Variants in DDX55 observed in about 807,000 individuals in gnomAD.
DDX55 encodes the protein ATP-dependent RNA helicase DDX55.
A neutral mutation model predicts 69.2 loss-of-function variants in DDX55; 56 were observed. The ratio of observed to expected loss-of-function variants is 0.81; its 90% CI spans 0.65 to 1.01. The LOEUF is 1.01. Ranked by LOEUF, DDX55 falls within the 50% of genes least tolerant of loss-of-function variation. The pLI, the probability that DDX55 is intolerant of heterozygous loss-of-function variation, is 0.00. For missense variants in DDX55, 720 were observed against 745.1 expected (o/e 0.97, Z 0.39); for synonymous variants, 268 against 273.1 (o/e 0.98, Z 0.18).
At chr12:123,607,846 A>G in intron 5 of DDX55, 184 bp downstream of exon 5, 1 of 720,300 alleles carries the variant, frequency 1.4e-6, no homozygotes, top group South Asian at 1.8e-5. Flanking sequence ...GGCCCTGATG[A>G]GAACTTCACA....
intron 11 of DDX55, 39 bp downstream of exon 11, chr12:123,617,911 C>T (rs372716955): frequency 3.5e-5 from 54 of 1,560,604 alleles, no homozygotes; most frequent in African/African-American, 8.2e-5. Context: ...TGCCTAGTGA[C>T]GGGGTAGCTG....
Position 123,620,085 on chromosome 12 carries a change from A to G in DDX55, c.1748A>G (p.Lys583Arg). The stretch of plus-strand genomic sequence containing the variant: ...GAGAAGGGCTTGTTGACAACTGGCA[A>G]AAGAACAATCAAGACAGTGGATTTA... ...EFEKGLLTTG[K>R]RTIKTVDLGI... Residue 583 changes from lysine to arginine, a missense_variant, in exon 14 of 14, where the codon AAA (lysine) becomes AGA (arginine). Transcript: ENST00000238146. 6.2e-7 allele frequency: 1 copy of G among 1,614,204 alleles called. No individual in the cohort carries two copies. The highest frequency in any genetic ancestry group is 8.5e-7 in the Non-Finnish European group (1 of 1,180,038).
chr12:123,620,629 A>ATATATAG lies in DDX55; in HGVS notation c.*489_*490insTATATAG, dbSNP rs1566211855. 1 of 60,830 alleles carries ATATATAG rather than the reference A, an allele frequency of 1.6e-5. No individual in the cohort carries two copies. Among genetic ancestry groups the ATATATAG allele is most frequent in the Non-Finnish European group, 3.4e-5 (1 of 29,206 alleles). The allele number at this position is 60,830 out of a possible 1,614,324, so 3.8% of individuals were successfully genotyped here. ...ATATATATATATATATATATATATA[A>ATATATAG]GCTCTTTTTTCTGAGGCTATTTTAT... is the stretch of plus-strand genomic sequence containing the variant. On this transcript the variant is annotated 3_prime_UTR_variant, in exon 14 of 14. Coordinates refer to ENST00000238146, the MANE Select transcript of DDX55 (RefSeq NM_020936.3).
rs201058160 is a variant in DDX55, at chr12:123,616,453, T to C, written c.957-58T>C. 1.3e-5 allele frequency: 20 copies of C among 1,496,756 alleles called. No homozygotes were observed. The East Asian group carries it at 4.5e-4, about 34-fold the overall frequency. The allele number at this position is 1,496,756 out of a possible 1,614,324, so 92.7% of individuals were successfully genotyped here. ...ACTGTCATCGAGATCAGTAGGCTGT[T>C]TGATGGTGATGAAGATGGTGGCCTC... On this transcript the variant is annotated intron_variant, in intron 9 of 13. Transcript: ENST00000238146.
chr12:123,618,015 GTTTTTTTTTT>G (rs568589434), intron 11 of DDX55, 143 bp downstream of exon 11: 1 of 416,250 alleles, frequency 2.4e-6, no homozygotes, highest in Admixed American at 4.0e-5. Flanking sequence ...CCCTGGTGGG[GTTTTTTTTTT>G]TTTTTTTTGA....
chr12:123,619,980 A>G lies in DDX55; in HGVS notation c.1643A>G (p.Asp548Gly), dbSNP rs2135755151. The stretch of plus-strand genomic sequence containing the variant: ...TGCACTTAGGGTTCTGATATTGAAG[A>G]TGAGGACATGGAAGAACTTCTTAAT... ...RKREEGSDIE[D>G]EDMEELLNDT... is the part of the protein sequence containing the mutation. Residue 548 changes from aspartate to glycine, a missense_variant, in exon 14 of 14, where the codon GAT becomes GGT. Physicochemically the swap from Asp to Gly is moderately conservative, Grantham distance 94 (BLOSUM62 -1). Coordinates refer to ENST00000238146, the MANE Select transcript of DDX55 (RefSeq NM_020936.3). 4 of 1,613,476 alleles carry G rather than the reference A, an allele frequency of 2.5e-6. No individual in the cohort carries two copies. In the Middle Eastern group the frequency reaches 4.9e-4, roughly 200 times the overall value.
At chr12:123,618,146 A>G (rs1367727311) in intron 11 of DDX55, 5 of 408,936 alleles carry the variant, frequency 1.2e-5, no homozygotes, top group African/African-American at 8.3e-5. Flanking sequence ...CCTCCCAAGT[A>G]GCTGGGATTA....
intron 10 of DDX55, chr12:123,616,815 C>A: frequency 1.8e-6 from 1 of 553,314 alleles, no homozygotes. Flanking sequence ...CCATGTAGAG[C>A]AAGGTTATAG....
chr12:123,609,734 T>C (rs1371538481), intron 6 of DDX55, among the ~76,000 whole-genome samples: 12 of 152,192 alleles, frequency 7.9e-5, no homozygotes, highest in Non-Finnish European at 1.2e-4. Context: ...TATAATTGTA[T>C]GCTAAAATTT....
rs1204474208 is a variant in DDX55 at position 123,610,190 on chromosome 12, G to A, written c.741+62G>A. 3.3e-6 allele frequency: 5 copies of A among 1,537,322 alleles called. No homozygotes were observed. In the East Asian group the frequency reaches 1.2e-4, roughly 36 times the overall value. On this transcript the variant is annotated intron_variant, in intron 7 of 13. Transcript: ENST00000238146. ...GACCAGTGCTCATTTTATGGAAATT[G>A]TACTGGTAGAATAAATATGTGAGAC... is the stretch of plus-strand genomic sequence containing the variant.
rs1356872509 is a variant in DDX55 at position 123,619,442 on chromosome 12, T to G, written c.1344T>G (p.Phe448Leu). 2 of 1,611,858 alleles carry G rather than the reference T, an allele frequency of 1.2e-6. No homozygotes were observed. Among genetic ancestry groups the G allele is most frequent in the East Asian group, 4.5e-5 (2 of 44,884 alleles). ...NLIFRLKDLD[F>L]ASLARGFALL... ...TTCTGATTGAATCAGATCTTGATTTTGCCAGCCTTGCTCGAGGTTTTGCCC... is the reference window on the plus strand; with the variant it reads ...TTCTGATTGAATCAGATCTTGATTTGGCCAGCCTTGCTCGAGGTTTTGCCC... The change falls in exon 13 of 14, where the codon TTT becomes TTG. Residue 448 changes from phenylalanine (F) to leucine (L), a missense_variant. By Grantham distance (22) the Phe-to-Leu change is conservative. Coordinates refer to ENST00000238146, the MANE Select transcript of DDX55 (RefSeq NM_020936.3).
intron 6 of DDX55, among the ~76,000 whole-genome samples, chr12:123,609,507 C>A (rs1954083960): frequency 6.6e-6 from 1 of 150,982 alleles, no homozygotes. Context: ...CCTGAGTCAT[C>A]TGGGACTACA....
Position 123,619,722 on chromosome 12 carries a change from G to T in DDX55, c.1624G>T (p.Glu542Ter). ...AATGAATGAGAAAAGGAAAAGGGAA[G>T]AGGTAAAGTTTACTTTTACTTACAT... Reference protein sequence around the residue: ...KKMNEKRKREEGSDIEDEDME... With the variant: ...KKMNEKRKRE Residue 542 changes from glutamate to a stop codon, truncating the protein, a stop_gained and splice_region_variant, in exon 13 of 14, where the codon GAG (glutamate) becomes TAG (stop). Transcript: ENST00000238146. LOFTEE classifies it high-confidence loss of function. The T allele has an allele frequency of 6.5e-7, 1 of 1,538,776 alleles. No individual in the cohort carries two copies.
chr12:123,618,080 T>C lies in DDX55; in HGVS notation c.1164+208T>C, dbSNP rs983587293. On this transcript the variant is annotated intron_variant, in intron 11 of 13. Coordinates refer to ENST00000238146, the MANE Select transcript of DDX55 (RefSeq NM_020936.3). ...TGCCCAGGCTGGAGTGCAATGGCAC[T>C]ATCTCGGTTCACCGCAACCTCCACC... is the stretch of plus-strand genomic sequence containing the variant. 2.4e-4 allele frequency: 118 copies of C among 493,728 alleles called. 1 individual carries two copies. The highest frequency in any genetic ancestry group is 3.7e-4 in the Non-Finnish European group (102 of 276,634). 30.6% of individuals were successfully genotyped at this position (493,728 alleles called of 1,614,324 possible). A position where few individuals can be genotyped will look rare whatever the true frequency, so the allele number is the denominator to read the frequency against.
intron 1 of DDX55, among the ~76,000 whole-genome samples, chr12:123,603,392 C>CTTTTTT (rs11438746): frequency 7.8e-6 from 1 of 128,570 alleles, no homozygotes; most frequent in Non-Finnish European, 1.6e-5. Context: ...GGTTTTTATT[C>CTTTTTT]TTTTTTTTTT....
chr12:123,609,509 G>A (rs1314090633), intron 6 of DDX55, among the ~76,000 whole-genome samples: 1 of 151,176 alleles, frequency 6.6e-6, no homozygotes, highest in Non-Finnish European at 1.5e-5. Flanking sequence ...TGAGTCATCT[G>A]GGACTACAGG....
intron 11 of DDX55, 42 bp downstream of exon 11, chr12:123,617,914 G>T (rs1274330792): frequency 6.4e-7 from 1 of 1,566,342 alleles, no homozygotes; most frequent in Admixed American, 1.7e-5. Flanking sequence ...CTAGTGACGG[G>T]GTAGCTGGAA....
intron 1 of DDX55, among the ~76,000 whole-genome samples, chr12:123,603,046 G>A (rs140993609): frequency 2.9e-4 from 44 of 152,336 alleles, no homozygotes; most frequent in African/African-American, 1.1e-3. Flanking sequence ...GCAGCAGAAA[G>A]GAGGCCTTTG....
chr12:123,602,395 C>T, intron 1 of DDX55, 139 bp downstream of exon 1: 1 of 835,588 alleles, frequency 1.2e-6, no homozygotes. Context: ...TTGTCTCCAG[C>T]TGCCCAGACT....
Sources: gnomAD v4.1 joint callset for allele counts (sites outside exome capture counted in the v4.1 genomes callset) on GRCh38, gnomAD v4.1.1 for gene constraint, MANE v1.5 for transcripts, NCBI Gene and HGNC (gene_info 2026-07-23, HGNC 2026-07-21) for gene names.